Variants in PKD2L2 observed in about 807,000 individuals in gnomAD.
PKD2L2 encodes the protein polycystin-2-like protein 2.
In PKD2L2, 67 loss-of-function variants were observed where a neutral mutation model predicts 83.9. That is an observed-to-expected ratio of 0.80 (90% confidence interval 0.66 to 0.98). The LOEUF is 0.98. Ranked by LOEUF, PKD2L2 falls within the 50% of genes least tolerant of loss-of-function variation. The probability of loss-of-function intolerance (pLI) is 0.00; values close to 1 mark genes in which losing one functional copy is unlikely to be tolerated. For missense variants in PKD2L2, 632 were observed against 717.2 expected, an observed-to-expected ratio of 0.88 and a Z score of 1.36; for synonymous variants, 223 against 237.8, an observed-to-expected ratio of 0.94 and a Z score of 0.57.
chr5:137,892,514 C>G lies in PKD2L2; in HGVS notation c.168C>G (p.Tyr56Ter). 2 of 1,598,526 alleles carry G rather than the reference C, an allele frequency of 1.3e-6. No individual in the cohort carries two copies. Among genetic ancestry groups the G allele is most frequent in the Non-Finnish European group, 1.7e-6 (2 of 1,169,636 alleles). Residue 56 changes from tyrosine to a stop codon, truncating the protein, a stop_gained, in exon 3 of 15, where the codon TAC becomes TAG. Transcript: ENST00000508883. LOFTEE classifies it high-confidence loss of function. ...TFGMVNPHMYYLNKVMSSLFL... is the reference protein window; with the variant it reads ...TFGMVNPHMY ...GGATGGTAAACCCACATATGTATTA[C>G]TTAAACAAGGTTATGTCATCTCTAT...
chr5:137,908,519 G>A (rs1371240903), intron 7 of PKD2L2, among the ~76,000 whole-genome samples: 1 of 151,610 alleles, frequency 6.6e-6, no homozygotes, highest in African/African-American at 2.4e-5. Flanking sequence ...TGAACCTAGG[G>A]GGCAGAGGTT....
chr5:137,932,536 AAAT>A (rs769732336), intron 12 of PKD2L2, among the ~76,000 whole-genome samples: 42 of 152,182 alleles, frequency 2.8e-4, no homozygotes, highest in Admixed American at 4.6e-4. Context: ...GACAACTCAT[AAAT>A]AATGACTGCA....
intron 8 of PKD2L2, among the ~76,000 whole-genome samples, chr5:137,921,235 C>G (rs1758864706): frequency 6.6e-6 from 1 of 152,002 alleles, no homozygotes; most frequent in African/African-American, 2.4e-5. Context: ...GTGGTGCACA[C>G]CTGTAATCCC....
At chr5:137,921,479 TACATCC>T in intron 8 of PKD2L2, among the ~76,000 whole-genome samples, 151 bp from the exon 9 acceptor site, 1 of 152,332 alleles carries the variant, frequency 6.6e-6, no homozygotes, top group South Asian at 2.1e-4. Flanking sequence ...GGGAATTTTC[TACATCC>T]AATTTTACAC....
At chr5:137,916,147 G>A (rs1467220150) in intron 8 of PKD2L2, among the ~76,000 whole-genome samples, 1 of 151,818 alleles carries the variant, frequency 6.6e-6, no homozygotes, top group Non-Finnish European at 1.5e-5. Flanking sequence ...TGGGATCACA[G>A]GCATGAGTCA....
chr5:137,941,863 C>T, intron 14 of PKD2L2: 1 of 1,167,766 alleles, frequency 8.6e-7, no homozygotes, highest in South Asian at 1.3e-5. Context: ...TTTCTAATCC[C>T]ACGTATTCCA....
chr5:137,940,528 AT>A (rs1201060550), intron 14 of PKD2L2: 6 of 547,594 alleles, frequency 1.1e-5, no homozygotes, highest in Admixed American at 3.6e-5. Context: ...CACTTCTAAA[AT>A]TTTTGATGGA....
chr5:137,890,587 G>C lies in PKD2L2; in HGVS notation c.133+5G>C. The C allele has an allele frequency of 8.6e-7, 1 of 1,156,230 alleles. No homozygotes were observed. Among genetic ancestry groups the C allele is most frequent in the Non-Finnish European group, 1.3e-6 (1 of 797,130 alleles). 71.6% of individuals were successfully genotyped at this position (1,156,230 alleles called of 1,614,324 possible). On this transcript the variant is annotated splice_donor_5th_base_variant and intron_variant, in intron 2 of 14. Coordinates refer to ENST00000508883, the MANE Select transcript of PKD2L2 (RefSeq NM_001300921.2). ...TTTTAATAAACCTATGTATATGTAA[G>C]TACACAGATATAAAGATGCTGTTTG...
chr5:137,929,391 G>A (rs1447650448), intron 12 of PKD2L2, among the ~76,000 whole-genome samples: 1 of 151,338 alleles, frequency 6.6e-6, no homozygotes, highest in African/African-American at 2.4e-5. Flanking sequence ...AACCTGGGAG[G>A]CGGAGGTTGC....
chr5:137,917,744 T>A (rs1758509291), intron 8 of PKD2L2, among the ~76,000 whole-genome samples: 1 of 152,220 alleles, frequency 6.6e-6, no homozygotes, highest in Non-Finnish European at 1.5e-5. Flanking sequence ...TAGGTCACCA[T>A]CTGGTCTTTC....
chr5:137,912,529 G>A (rs895720403), intron 8 of PKD2L2, among the ~76,000 whole-genome samples: 6 of 151,752 alleles, frequency 4.0e-5, no homozygotes, highest in African/African-American at 1.5e-4. Flanking sequence ...ACCACACCTG[G>A]CTAATTTTTG....
intron 10 of PKD2L2, 59 bp downstream of exon 10, chr5:137,923,580 C>T (rs906260630): frequency 1.2e-6 from 1 of 846,552 alleles, no homozygotes; most frequent in African/African-American, 1.7e-5. Flanking sequence ...AGTTTATCCT[C>T]TTGTAGTTTG....
intron 14 of PKD2L2, among the ~76,000 whole-genome samples, chr5:137,940,709 C>T (rs778401263): frequency 3.3e-5 from 5 of 152,122 alleles, no homozygotes; most frequent in Non-Finnish European, 4.4e-5. Flanking sequence ...TAGTTAACTG[C>T]GGCTCCAGTG....
intron 12 of PKD2L2, among the ~76,000 whole-genome samples, chr5:137,928,558 AGTAG>A (rs1438138808): frequency 1.3e-5 from 2 of 152,132 alleles, no homozygotes. Flanking sequence ...CAGCTTCCCA[AGTAG>A]CTGGGACTAC....
At chr5:137,904,862 C>G (rs1036530688) in intron 5 of PKD2L2, among the ~76,000 whole-genome samples, 3 of 152,174 alleles carry the variant, frequency 2.0e-5, no homozygotes, top group African/African-American at 7.2e-5. Flanking sequence ...GGGGATTTTG[C>G]TCCCCGTGCA....
intron 12 of PKD2L2, among the ~76,000 whole-genome samples, chr5:137,932,850 G>T (rs1056329029): frequency 3.3e-5 from 5 of 152,006 alleles, no homozygotes; most frequent in Non-Finnish European, 5.9e-5. Flanking sequence ...GAGAGTCATC[G>T]AGGTGCTAAA....
At chr5:137,907,311 T>C (rs1254916298) in intron 6 of PKD2L2, among the ~76,000 whole-genome samples, 1 of 152,214 alleles carries the variant, frequency 6.6e-6, no homozygotes, top group South Asian at 2.1e-4. Flanking sequence ...AACAACCTGG[T>C]TCTGAAATAC....
intron 8 of PKD2L2, among the ~76,000 whole-genome samples, chr5:137,910,976 C>T (rs1021852329): frequency 5.3e-5 from 8 of 152,134 alleles, no homozygotes; most frequent in Non-Finnish European, 7.3e-5. Flanking sequence ...ATATATATAA[C>T]ATCAAATTTA....
chr5:137,910,354 A>G (rs1757726396), intron 8 of PKD2L2, among the ~76,000 whole-genome samples: 1 of 151,846 alleles, frequency 6.6e-6, no homozygotes, highest in Non-Finnish European at 1.5e-5. Flanking sequence ...TGGGTAGTGA[A>G]GAGGAAAGGG....
Sources: gnomAD v4.1 joint callset for allele counts (sites outside exome capture counted in the v4.1 genomes callset) on GRCh38, gnomAD v4.1.1 for gene constraint, MANE v1.5 for transcripts, NCBI Gene and HGNC (gene_info 2026-07-23, HGNC 2026-07-21) for gene names.